Variants in SORCS3 observed in about 807,000 individuals in gnomAD.
SORCS3 encodes VPS10 domain-containing receptor SorCS3.
Under a neutral mutation model 146.3 loss-of-function variants are expected in SORCS3, and 57 were observed. The ratio of observed to expected loss-of-function variants is 0.39; its 90% confidence interval spans 0.31 to 0.49. SORCS3 has a LOEUF of 0.49. Among genes scored for constraint, SORCS3 ranks in the 20% least tolerant of loss-of-function variants. SORCS3 has a pLI of 0.92. For missense variants in SORCS3, 1,341 were observed against 1,575.5 expected, an observed-to-expected ratio of 0.85 and a Z score of 2.52; for synonymous variants, 653 against 618.5, an observed-to-expected ratio of 1.06 and a Z score of -0.83.
chr10:104,679,291 C>T (rs180937123), intron 1 of SORCS3, among the ~76,000 whole-genome samples: 1 of 152,226 alleles, frequency 6.6e-6, no homozygotes. Flanking sequence ...GAAGTAAAAG[C>T]TGTTGTAGTG....
At position 104,656,371 on chromosome 10, in the gene SORCS3, G is replaced by T. The variant is rs144613235; in HGVS notation, c.627+14417G>T. Among the ~76,000 whole-genome samples the T allele has an allele frequency of 2.0e-3, 301 of 152,220 alleles. 1 individual carries two copies. The highest frequency in any genetic ancestry group is 6.9e-3 in the African/African-American group (288 of 41,530). On this transcript the variant is annotated intron_variant, in intron 1 of 26. Coordinates refer to ENST00000369701, the MANE Select transcript of SORCS3 (RefSeq NM_014978.3). ...TTAGTTCTTTATCCCAACAGCAAAGGGGTGGCCTGGCCTGGTGGCTTATGC... is the reference window on the plus strand; with the variant it reads ...TTAGTTCTTTATCCCAACAGCAAAGTGGTGGCCTGGCCTGGTGGCTTATGC...
At chr10:104,757,445 G>A (rs12359350) in intron 1 of SORCS3, among the ~76,000 whole-genome samples, 3 of 152,188 alleles carry the variant, frequency 2.0e-5, no homozygotes, top group Non-Finnish European at 4.4e-5. Flanking sequence ...TTGTCCTTCA[G>A]ACACTAGGCA....
chr10:104,787,285 A>G (rs1011196900), intron 1 of SORCS3, among the ~76,000 whole-genome samples: 1 of 152,100 alleles, frequency 6.6e-6, no homozygotes, highest in African/African-American at 2.4e-5. Context: ...GACTTTTCTG[A>G]TCCCAGTATT....
intron 7 of SORCS3, among the ~76,000 whole-genome samples, chr10:105,115,000 T>G (rs2055883715): frequency 6.6e-6 from 1 of 152,148 alleles, no homozygotes; most frequent in Non-Finnish European, 1.5e-5. Context: ...TACTAGCAAT[T>G]AACAAGTATT....
chr10:105,016,155 A>ATATATAT lies in SORCS3; in HGVS notation c.955-26899_955-26898insATATATT, dbSNP rs71482443. On this transcript the variant is annotated intron_variant, in intron 4 of 26. Coordinates refer to ENST00000369701, the MANE Select transcript of SORCS3 (RefSeq NM_014978.3). The stretch of plus-strand genomic sequence containing the variant: ...TATAAATATATATATATATATATAT[A>ATATATAT]TTTTTTTTTTTTTTTGAGATGGAGT... 4.6e-3 allele frequency among the ~76,000 whole-genome samples: 462 copies of ATATATAT among 101,290 alleles called. 9 individuals carry two copies. The highest frequency in any genetic ancestry group is 0.016 in the African/African-American group (321 of 20,646). 66.5% of individuals were successfully genotyped at this position (101,290 alleles called of 152,430 possible). A position where few individuals can be genotyped will look rare whatever the true frequency, so the allele number is the denominator to read the frequency against.
chr10:104,874,061 C>G (rs2018545920), intron 2 of SORCS3, among the ~76,000 whole-genome samples: 1 of 152,138 alleles, frequency 6.6e-6, no homozygotes, highest in African/African-American at 2.4e-5. Context: ...CATGGTAAGG[C>G]TAACACAGTG....
chr10:104,719,380 G>T (rs1476036490), intron 1 of SORCS3, among the ~76,000 whole-genome samples: 1 of 152,184 alleles, frequency 6.6e-6, no homozygotes. Context: ...GTATAGGTTT[G>T]TCAATGTGAT....
At chr10:105,049,177 A>G (rs1203066116) in intron 5 of SORCS3, among the ~76,000 whole-genome samples, 1 of 152,118 alleles carries the variant, frequency 6.6e-6, no homozygotes, top group African/African-American at 2.4e-5. Flanking sequence ...GTATTTCAGC[A>G]AAGTAGCTTT....
rs2056908589 is a variant in SORCS3, at chr10:105,252,760, TG to T, written c.3106-14del. ...GGCTCCTCCACAGCCTCTCTTTGTC[TG>T]AACATCTTTGCAGGTAACCAGTGTC... On this transcript the variant is annotated splice_polypyrimidine_tract_variant and intron_variant, in intron 22 of 26. Coordinates refer to ENST00000369701, the MANE Select transcript of SORCS3 (RefSeq NM_014978.3). 2 of 1,613,710 alleles carry T rather than the reference TG, an allele frequency of 1.2e-6. No homozygotes were observed. Among genetic ancestry groups the T allele is most frequent in the Non-Finnish European group, 1.7e-6 (2 of 1,179,832 alleles).
chr10:104,853,733 C>T (rs978921151), intron 2 of SORCS3, among the ~76,000 whole-genome samples: 1 of 152,212 alleles, frequency 6.6e-6, no homozygotes, highest in Non-Finnish European at 1.5e-5. Flanking sequence ...TGATCAGCAG[C>T]AGGGCGGCAC....
At chr10:104,733,279 C>T (rs1182828679) in intron 1 of SORCS3, among the ~76,000 whole-genome samples, 2 of 152,172 alleles carry the variant, frequency 1.3e-5, no homozygotes, top group Non-Finnish European at 2.9e-5. Context: ...TCTCAAATAG[C>T]TAGACCTGAT....
intron 1 of SORCS3, among the ~76,000 whole-genome samples, chr10:104,711,812 A>G (rs2016419457): frequency 6.6e-6 from 1 of 152,236 alleles, no homozygotes; most frequent in Admixed American, 6.5e-5. Context: ...AGGAAAGTTC[A>G]GAGTTGGGGA....
At chr10:104,893,580 C>G (rs568085659) in intron 2 of SORCS3, among the ~76,000 whole-genome samples, 1 of 152,192 alleles carries the variant, frequency 6.6e-6, no homozygotes, top group Non-Finnish European at 1.5e-5. Context: ...CCACTTGTCC[C>G]CCTTTATGCC....
chr10:105,159,207 C>T (rs533840635), intron 11 of SORCS3, among the ~76,000 whole-genome samples: 4 of 152,208 alleles, frequency 2.6e-5, no homozygotes, highest in African/African-American at 7.2e-5. Flanking sequence ...ATCTTCCCCC[C>T]AGACACAGAG....
intron 5 of SORCS3, among the ~76,000 whole-genome samples, chr10:105,057,425 C>T (rs2055453012): frequency 6.6e-6 from 1 of 151,998 alleles, no homozygotes; most frequent in Admixed American, 6.6e-5. Context: ...TCCTTAGTGC[C>T]CACACCACCC....
intron 5 of SORCS3, among the ~76,000 whole-genome samples, chr10:105,078,089 T>C (rs2055600402): frequency 6.6e-6 from 1 of 152,206 alleles, no homozygotes; most frequent in Non-Finnish European, 1.5e-5. Flanking sequence ...CCAATATTGC[T>C]TTGAGGATAA....
At chr10:105,160,353 G>A (rs550804606) in intron 11 of SORCS3, among the ~76,000 whole-genome samples, 121 of 152,260 alleles carry the variant, frequency 7.9e-4, no homozygotes, top group Non-Finnish European at 1.5e-3. Flanking sequence ...ATGGCCAGGC[G>A]CAGTGGTTCA....
intron 6 of SORCS3, among the ~76,000 whole-genome samples, chr10:105,090,143 T>C (rs530652967): frequency 6.6e-6 from 1 of 152,320 alleles, no homozygotes; most frequent in South Asian, 2.1e-4. Flanking sequence ...TAACTCATCA[T>C]GGTATTTTAC....
chr10:104,979,921 C>G (rs2054922730), intron 4 of SORCS3, among the ~76,000 whole-genome samples: 1 of 152,064 alleles, frequency 6.6e-6, no homozygotes, highest in Non-Finnish European at 1.5e-5. Context: ...CCTCTTAAAG[C>G]TTATTTTTAT....
Sources: allele counts gnomAD v4.1 joint callset (sites outside exome capture counted in the v4.1 genomes callset), GRCh38; gene constraint gnomAD v4.1.1; transcripts MANE v1.5; gene names NCBI Gene and HGNC (gene_info 2026-07-23, HGNC 2026-07-21).